The following SLC25A15 variants were observed in gnomAD, a reference collection of about 807,000 sequenced individuals.
SLC25A15 encodes solute carrier family 25 member 15.
SLC25A15 carries 24 observed loss-of-function variants against 32.3 expected under a neutral mutation model. The observed-to-expected ratio is 0.74, with a 90% CI of 0.54 to 1.04. SLC25A15 has a LOEUF of 1.04. SLC25A15 is among the 50% of genes least tolerant of loss of function. The probability of loss-of-function intolerance (pLI) is 0.00; values close to 1 mark genes in which losing one functional copy is unlikely to be tolerated. For missense variants in SLC25A15, 317 were observed against 374.5 expected, an observed-to-expected ratio of 0.85 and a Z score of 1.27; for synonymous variants, 132 against 142.1, an observed-to-expected ratio of 0.93 and a Z score of 0.51.
chr13:40,807,487 A>G (rs1395231596), intron 5 of SLC25A15, 24 bp downstream of exon 5: 2 of 1,613,188 alleles, frequency 1.2e-6, no homozygotes, highest in East Asian at 2.2e-5. Context: ...CATTGACAGC[A>G]GTGGGGTGTG....
chr13:40,790,368 G>C (rs1362530480), intron 1 of SLC25A15, among the ~76,000 whole-genome samples: 4 of 152,206 alleles, frequency 2.6e-5, no homozygotes, highest in Admixed American at 6.5e-5. Context: ...GGGGTCAAAG[G>C]CGCTGAAAAG....
Position 40,810,810 on chromosome 13 carries a change from T to C in SLC25A15, c.*1143T>C, listed in dbSNP as rs1238488416. The stretch of plus-strand genomic sequence containing the variant: ...AGTGGTAGGCGGTGCTGCTGTGCTC[T>C]GATGAAGACCCATGTGGCTAGCAAC... On this transcript the variant is annotated 3_prime_UTR_variant, in exon 7 of 7. Coordinates refer to ENST00000338625, the MANE Select transcript of SLC25A15 (RefSeq NM_014252.4). 1.9e-6 allele frequency: 1 copy of C among 534,856 alleles called. No individual in the cohort carries two copies. Among genetic ancestry groups the C allele is most frequent in the East Asian group, 5.4e-5 (1 of 18,370 alleles). The allele number at this position is 534,856 out of a possible 1,614,324, so 33.1% of individuals were successfully genotyped here. A position where few individuals can be genotyped will look rare whatever the true frequency, so the allele number is the denominator to read the frequency against.
Position 40,811,567 on chromosome 13 carries a change from A to C in SLC25A15, c.*1900A>C, listed in dbSNP as rs1202059091. Among the ~76,000 whole-genome samples, 1 of 152,106 alleles carries C rather than the reference A, an allele frequency of 6.6e-6. No homozygotes were observed. The highest frequency in any genetic ancestry group is 1.5e-5 in the Non-Finnish European group (1 of 68,018). The stretch of plus-strand genomic sequence containing the variant: ...TTCACTGACCAAAAATTCACTGACC[A>C]ACCAACCAAACTCCACACTTCATCT... On this transcript the variant is annotated 3_prime_UTR_variant, in exon 7 of 7. Transcript: ENST00000338625.
At chr13:40,807,968 G>A (rs1055499336) in intron 5 of SLC25A15, among the ~76,000 whole-genome samples, 7 of 152,162 alleles carry the variant, frequency 4.6e-5, no homozygotes, top group African/African-American at 1.7e-4. Flanking sequence ...CTATTCTGTG[G>A]TTAGTCAAGC....
rs182236207 is a variant in SLC25A15, at chr13:40,801,820, C to A, written c.314+2505C>A. Among the ~76,000 whole-genome samples the A allele has an allele frequency of 8.3e-4, 127 of 152,312 alleles. 1 individual carries two copies. The highest frequency in any genetic ancestry group is 3.0e-3 in the African/African-American group (125 of 41,564). ...ACATATGACAAATGGATGATTCTTA[C>A]AAAATCCCATCCTATACCTATTACT... is the stretch of plus-strand genomic sequence containing the variant. On this transcript the variant is annotated intron_variant, in intron 3 of 6. Coordinates refer to ENST00000338625, the MANE Select transcript of SLC25A15 (RefSeq NM_014252.4).
intron 1 of SLC25A15, among the ~76,000 whole-genome samples, chr13:40,792,319 A>C (rs1593287985): frequency 1.3e-5 from 2 of 152,306 alleles, no homozygotes; most frequent in Non-Finnish European, 2.9e-5. Context: ...GAGTCTGTGG[A>C]CTGGCACTGT....
At chr13:40,791,503 G>A (rs1881503074) in intron 1 of SLC25A15, among the ~76,000 whole-genome samples, 3 of 151,750 alleles carry the variant, frequency 2.0e-5, no homozygotes, top group Admixed American at 6.6e-5. Flanking sequence ...GACTACAGGT[G>A]TGCATCACCA....
chr13:40,808,025 A>T (rs753864603), intron 5 of SLC25A15, among the ~76,000 whole-genome samples: 11 of 152,232 alleles, frequency 7.2e-5, no homozygotes, highest in Non-Finnish European at 1.2e-4. Flanking sequence ...TTGGCTTTTA[A>T]TGATAAATGA....
At chr13:40,809,518 C>T (rs1368274827) in intron 6 of SLC25A15, 25 bp from the exon 7 acceptor site, 1 of 1,611,828 alleles carries the variant, frequency 6.2e-7, no homozygotes, top group Non-Finnish European at 8.5e-7. Flanking sequence ...TTGTTGCAGT[C>T]TTTGACCGCC....
intron 1 of SLC25A15, 73 bp from the exon 2 acceptor site, chr13:40,793,085 G>A (rs1187170725): frequency 4.3e-5 from 35 of 816,676 alleles, no homozygotes; most frequent in South Asian, 1.7e-4. Flanking sequence ...TTTAGGTTCT[G>A]TAATTTGGCT....
intron 3 of SLC25A15, among the ~76,000 whole-genome samples, chr13:40,801,207 AACAGAGCG>A (rs1441486130): frequency 6.6e-6 from 1 of 151,238 alleles, no homozygotes; most frequent in African/African-American, 2.4e-5. Flanking sequence ...CAGCCTGGGC[AACAGAGCG>A]AGACTGTGTC....
chr13:40,795,536 GT>G (rs568118289), intron 2 of SLC25A15, among the ~76,000 whole-genome samples: 2 of 152,190 alleles, frequency 1.3e-5, no homozygotes, highest in Non-Finnish European at 2.9e-5. Flanking sequence ...CCCCATCACT[GT>G]TGGACAGGTA....
At chr13:40,799,909 A>G (rs1333824209) in intron 3 of SLC25A15, among the ~76,000 whole-genome samples, 2 of 152,240 alleles carry the variant, frequency 1.3e-5, no homozygotes, top group Non-Finnish European at 2.9e-5. Flanking sequence ...GCGAAGATGC[A>G]AGGGAACCCA....
intron 3 of SLC25A15, among the ~76,000 whole-genome samples, chr13:40,802,828 TCCCAAAG>T (rs1255660757): frequency 6.6e-6 from 1 of 152,178 alleles, no homozygotes; most frequent in Non-Finnish European, 1.5e-5. Context: ...CACCTCGGCC[TCCCAAAG>T]TGCTGGGATT....
intron 2 of SLC25A15, among the ~76,000 whole-genome samples, chr13:40,795,511 A>G (rs999082461): frequency 1.3e-5 from 2 of 152,156 alleles, no homozygotes; most frequent in Non-Finnish European, 2.9e-5. Flanking sequence ...TCCCTTATGT[A>G]TACTGACACA....
chr13:40,793,236 A>T lies in SLC25A15; in HGVS notation c.10A>T (p.Asn4Tyr). The T allele has an allele frequency of 1.9e-6, 3 of 1,614,136 alleles. No homozygotes were observed. Among genetic ancestry groups the T allele is most frequent in the Non-Finnish European group, 2.5e-6 (3 of 1,180,004 alleles). Residue 4 changes from asparagine to tyrosine, a missense_variant, in exon 2 of 7, where the codon AAT becomes TAT. Transcript: ENST00000338625. The part of the protein sequence containing the change: MKS[N>Y]PAIQAAIDLT... ...AGAAGAGTGGGCAAACATGAAATCC[A>T]ATCCTGCTATCCAGGCTGCCATTGA... is the stretch of plus-strand genomic sequence containing the variant.
At position 40,809,114 on chromosome 13, in the gene SLC25A15, T is replaced by C. The variant is rs527994521; in HGVS notation, c.782-429T>C. Among the ~76,000 whole-genome samples, 67 of 152,260 alleles carry C rather than the reference T, an allele frequency of 4.4e-4. 2 individuals are homozygous for C. The South Asian group carries it at 0.013, about 30-fold the overall frequency. The stretch of plus-strand genomic sequence containing the variant: ...GTTTTACAAAGTACTTACACCTCCC[T>C]TATCTAATTCAATCTTCATAACCAC... On this transcript the variant is annotated intron_variant, in intron 6 of 6. Transcript: ENST00000338625.
intron 3 of SLC25A15, among the ~76,000 whole-genome samples, chr13:40,799,580 C>G (rs560032975): frequency 1.3e-5 from 2 of 152,198 alleles, no homozygotes; most frequent in Non-Finnish European, 2.9e-5. Flanking sequence ...TTAAAAATAA[C>G]TGCTTTCCTT....
intron 1 of SLC25A15, among the ~76,000 whole-genome samples, chr13:40,791,687 C>A (rs1881510687): frequency 6.6e-6 from 1 of 152,074 alleles, no homozygotes; most frequent in South Asian, 2.1e-4. Context: ...TAGGAAGATA[C>A]CAGATGGCCA....
Sources: gnomAD v4.1 joint callset for allele counts (sites outside exome capture counted in the v4.1 genomes callset) on GRCh38, gnomAD v4.1.1 for gene constraint, MANE v1.5 for transcripts, NCBI Gene and HGNC (gene_info 2026-07-23, HGNC 2026-07-21) for gene names.